Variants in HID1 observed in about 807,000 individuals in gnomAD.
The protein encoded by HID1 is protein HID1.
Under a neutral mutation model 89.7 loss-of-function variants are expected in HID1, and 42 were observed. The observed-to-expected ratio is 0.47, with a 90% CI of 0.37 to 0.61. HID1 has a LOEUF of 0.61. Among genes scored for constraint, HID1 ranks in the 20% least tolerant of loss-of-function variants. The pLI, the probability that HID1 is intolerant of heterozygous loss-of-function variation, is 0.00. For missense variants in HID1, 854 were observed against 1,039.3 expected, an observed-to-expected ratio of 0.82 and a Z score of 2.45; for synonymous variants, 442 against 433.8, an observed-to-expected ratio of 1.02 and a Z score of -0.24.
At chr17:74,955,297 C>T (rs1348328364) in intron 13 of HID1, among the ~76,000 whole-genome samples, 1 of 152,190 alleles carries the variant, frequency 6.6e-6, no homozygotes, top group Non-Finnish European at 1.5e-5. Flanking sequence ...GTTATCCCAG[C>T]AGTTTGGGAG....
rs549233832 is a variant in HID1, at chr17:74,953,280, C to T, written c.1972-194G>A. Among the ~76,000 whole-genome samples, 11 of 152,302 alleles carry T rather than the reference C, an allele frequency of 7.2e-5. No homozygotes were observed. The South Asian group carries it at 2.1e-3, about 29-fold the overall frequency. On this transcript the variant is annotated intron_variant, in intron 15 of 18. Coordinates refer to ENST00000425042, the MANE Select transcript of HID1 (RefSeq NM_030630.3). Reference sequence around the variant, plus strand: ...AAGGCCAGCAGCTGACAGGGCAGGCCGGGTAAAGGCCAGCTCAGATAAGGC... The same window carrying T: ...AAGGCCAGCAGCTGACAGGGCAGGCTGGGTAAAGGCCAGCTCAGATAAGGC...
chr17:74,952,998 C>T lies in HID1; in HGVS notation c.2052+8G>A. 1.3e-6 allele frequency: 2 copies of T among 1,598,880 alleles called. No homozygotes were observed. Among genetic ancestry groups the T allele is most frequent in the South Asian group, 1.1e-5 (1 of 88,582 alleles). On this transcript the variant is annotated splice_region_variant and intron_variant, in intron 16 of 18. Coordinates refer to ENST00000425042, the MANE Select transcript of HID1 (RefSeq NM_030630.3). ...CCCCCGCTCGCCTGGCACAGGGTCCCTCCTCACCCACTCTGGCGTTGGGCT... is the reference window on the plus strand; with the variant it reads ...CCCCCGCTCGCCTGGCACAGGGTCCTTCCTCACCCACTCTGGCGTTGGGCT...
rs748671806 is a variant in HID1, at chr17:74,958,151, G to A, written c.1461C>T (p.Ile487=). 3 of 1,608,662 alleles carry A rather than the reference G, an allele frequency of 1.9e-6. No homozygotes were observed. The highest frequency in any genetic ancestry group is 1.7e-6 in the Non-Finnish European group (2 of 1,177,972). ...LQPLFDCLLT[I]VVNVSPYLKS... ...GCTCCGGGCCCCTACCGTTGACCACGATGGTGAGCAGGCAGTCGAAGAGGG... is the reference window on the plus strand; with the variant it reads ...GCTCCGGGCCCCTACCGTTGACCACAATGGTGAGCAGGCAGTCGAAGAGGG... The change falls in exon 12 of 19, where the codon ATC becomes ATT. Residue 487 remains isoleucine (I), a synonymous_variant. Transcript: ENST00000425042. The surrounding 1 kb of genome is among the most constrained non-coding windows in gnomAD (Gnocchi z 5.2).
Position 74,951,487 on chromosome 17 carries a change from A to T in HID1, c.*83T>A. 7.4e-7 allele frequency: 1 copy of T among 1,351,564 alleles called. No homozygotes were observed. Among genetic ancestry groups the T allele is most frequent in the Non-Finnish European group, 1.0e-6 (1 of 961,414 alleles). 83.7% of individuals were successfully genotyped at this position (1,351,564 alleles called of 1,614,324 possible). A position where few individuals can be genotyped will look rare whatever the true frequency, so the allele number is the denominator to read the frequency against. ...TTCCAGGCCCTGATCGTGGTAATTT[A>T]AAGCTCAGAATGGTGGATGGGGGAA... On this transcript the variant is annotated 3_prime_UTR_variant, in exon 19 of 19. Coordinates refer to ENST00000425042, the MANE Select transcript of HID1 (RefSeq NM_030630.3).
chr17:74,960,628 C>T (rs546503828), intron 6 of HID1, among the ~76,000 whole-genome samples: 1 of 152,208 alleles, frequency 6.6e-6, no homozygotes, highest in East Asian at 1.9e-4. Context: ...AAGCTGAGAC[C>T]CAGAGAGGTT....
Position 74,951,310 on chromosome 17 carries a change from G to A in HID1, c.*260C>T, listed in dbSNP as rs769414620. The A allele has an allele frequency of 4.2e-5, 23 of 551,490 alleles. 1 individual carries two copies. Among genetic ancestry groups the A allele is most frequent in the South Asian group, 3.2e-4 (14 of 43,188 alleles). 34.2% of individuals were successfully genotyped at this position (551,490 alleles called of 1,614,324 possible). A position where few individuals can be genotyped will look rare whatever the true frequency, so the allele number is the denominator to read the frequency against. On this transcript the variant is annotated 3_prime_UTR_variant, in exon 19 of 19. Transcript: ENST00000425042. ...GAGCCAGGTCTTAAAGAGGGAGTCC[G>A]AGTGTTGGGGGCAGTGGTCTCTGGT...
chr17:74,966,080 T>C (rs1039971647), intron 1 of HID1, among the ~76,000 whole-genome samples: 16 of 148,210 alleles, frequency 1.1e-4, no homozygotes, highest in Non-Finnish European at 2.4e-4. Context: ...AGGTCAGGAG[T>C]TCAAGACCAG....
intron 12 of HID1, among the ~76,000 whole-genome samples, chr17:74,957,293 G>A (rs1311744689): frequency 6.7e-6 from 1 of 150,042 alleles, no homozygotes; most frequent in Non-Finnish European, 1.5e-5. Flanking sequence ...GGCCAACATG[G>A]CAAAACTCTG....
In HID1 at chr17:74,956,080, G is replaced by C. The variant is rs184984896; in HGVS notation, c.1472-124C>G. On this transcript the variant is annotated intron_variant, in intron 12 of 18. Transcript: ENST00000425042. ...TCCCTGCCCCCTGCAGAGCCAGGAC[G>C]ACCAAGGCCCTAAGAGGCTGAGTCC... 3 of 985,978 alleles carry C rather than the reference G, an allele frequency of 3.0e-6. No homozygotes were observed. The East Asian group carries it at 7.5e-5, about 25-fold the overall frequency. 61.1% of individuals were successfully genotyped at this position (985,978 alleles called of 1,614,324 possible). A position where few individuals can be genotyped will look rare whatever the true frequency, so the allele number is the denominator to read the frequency against.
At position 74,953,635 on chromosome 17, in the gene HID1, G is replaced by T. The variant is rs549390726; in HGVS notation, c.1881C>A (p.Thr627=). 6.2e-7 allele frequency: 1 copy of T among 1,613,944 alleles called. No homozygotes were observed. Among genetic ancestry groups the T allele is most frequent in the Admixed American group, 1.7e-5 (1 of 59,996 alleles). ...LVATPGIDKL[T]EKSQVSEDGT... is the part of the protein sequence containing the mutation. ...CATCCTCTGACACCTGGGACTTCTC[G>T]GTCAGCTTGTCAATGCCTGGGCAGG... Residue 627 remains threonine, a synonymous_variant, in exon 15 of 19, where the codon ACC becomes ACA. Transcript: ENST00000425042.
intron 13 of HID1, chr17:74,954,593 C>T: frequency 1.4e-6 from 1 of 709,550 alleles, no homozygotes; most frequent in African/African-American, 1.8e-5. Context: ...CTCACAACAC[C>T]CCCGCCCCAG....
chr17:74,959,343 C>G lies in HID1; in HGVS notation c.1009-292G>C, dbSNP rs2039444571. On this transcript the variant is annotated intron_variant, in intron 8 of 18. Coordinates refer to ENST00000425042, the MANE Select transcript of HID1 (RefSeq NM_030630.3). The surrounding 1 kb of genome is among the most constrained non-coding windows in gnomAD (Gnocchi z 4.6). ...TGCTCTCAGTGAACTCCCACACATG[C>G]ACACCCTCAACCTTGTCCCTGCCCA... 1.3e-5 allele frequency among the ~76,000 whole-genome samples: 2 copies of G among 152,152 alleles called. No individual in the cohort carries two copies. The highest frequency in any genetic ancestry group is 4.1e-4 in the South Asian group (2 of 4,830).
Position 74,959,062 on chromosome 17 carries a change from G to T in HID1, c.1009-11C>A. 1 of 1,545,242 alleles carries T rather than the reference G, an allele frequency of 6.5e-7. No individual in the cohort carries two copies. Among genetic ancestry groups the T allele is most frequent in the Non-Finnish European group, 8.7e-7 (1 of 1,152,696 alleles). ...GATGAACTGGAAGTCCTGGGGGCGA[G>T]GGCAGAGCAGGGGGCCTGTCCAGCC... On this transcript the variant is annotated splice_polypyrimidine_tract_variant and intron_variant, in intron 8 of 18. Coordinates refer to ENST00000425042, the MANE Select transcript of HID1 (RefSeq NM_030630.3). This position sits in a 1 kb window ranked among gnomAD's most constrained non-coding sequence, Gnocchi z 4.6.
intron 6 of HID1, among the ~76,000 whole-genome samples, chr17:74,961,043 T>A (rs533661098): frequency 8.3e-4 from 124 of 149,230 alleles, no homozygotes; most frequent in African/African-American, 2.8e-3. Context: ...CCCGACCCGG[T>A]CTCTAAGCTG....
Position 74,958,826 on chromosome 17 carries a change from C to A in HID1, c.1150-63G>T. 2.5e-6 allele frequency: 4 copies of A among 1,593,084 alleles called. No homozygotes were observed. The highest frequency in any genetic ancestry group is 3.4e-6 in the Non-Finnish European group (4 of 1,167,082). ...AGGGAGGGGCAGCTCTGCCCCACCC[C>A]CCTCAGTCTGACACTGTCCCTGCCC... On this transcript the variant is annotated intron_variant, in intron 9 of 18. Transcript: ENST00000425042. This position sits in a 1 kb window ranked among gnomAD's most constrained non-coding sequence, Gnocchi z 5.2.
Position 74,952,364 on chromosome 17 carries a change from G to A in HID1, c.2053-4C>T. ...GCTTCGACTTCCAGGAGAGGACCTGGCGAGGGACGGGGTTCCTGGGGCTGA... is the reference window on the plus strand; with the variant it reads ...GCTTCGACTTCCAGGAGAGGACCTGACGAGGGACGGGGTTCCTGGGGCTGA... On this transcript the variant is annotated splice_polypyrimidine_tract_variant and splice_region_variant and intron_variant, in intron 16 of 18. Coordinates refer to ENST00000425042, the MANE Select transcript of HID1 (RefSeq NM_030630.3). The A allele has an allele frequency of 6.2e-7, 1 of 1,612,834 alleles. No individual in the cohort carries two copies. The highest frequency in any genetic ancestry group is 8.5e-7 in the Non-Finnish European group (1 of 1,179,182).
Position 74,959,828 on chromosome 17 carries a change from T to A in HID1, c.1008+53A>T. ...GGGGTCAGGATCCCCCATATCCCTG[T>A]CTCACTTGCATCCCCCTGCACCCTG... On this transcript the variant is annotated intron_variant, in intron 8 of 18. Transcript: ENST00000425042. This position sits in a 1 kb window ranked among gnomAD's most constrained non-coding sequence, Gnocchi z 4.6. 6.3e-7 allele frequency: 1 copy of A among 1,579,676 alleles called. No individual in the cohort carries two copies. Among genetic ancestry groups the A allele is most frequent in the East Asian group, 2.2e-5 (1 of 44,668 alleles).
chr17:74,956,033 A>G, intron 12 of HID1, 77 bp from the exon 13 acceptor site: 1 of 1,444,390 alleles, frequency 6.9e-7, no homozygotes, highest in Non-Finnish European at 9.6e-7. Flanking sequence ...GGGTGGAACA[A>G]CAGGCTCCTG....
chr17:74,963,074 T>C lies in HID1; in HGVS notation c.395A>G (p.Glu132Gly). Reference protein sequence around the residue: ...VPGAGRGGQGEEDDEHARPLA... With the variant: ...VPGAGRGGQGGEDDEHARPLA... ...GGGCCTGGCATGCTCATCATCCTCT[T>C]CTCCCTGCTGGGGACACAGCACCCA... Residue 132 changes from glutamate to glycine, a missense_variant, in exon 4 of 19, where the codon GAA becomes GGA. Physicochemically the swap from Glu to Gly is moderately conservative, Grantham distance 98. Coordinates refer to ENST00000425042, the MANE Select transcript of HID1 (RefSeq NM_030630.3). 6.2e-7 allele frequency: 1 copy of C among 1,605,546 alleles called. No individual in the cohort carries two copies. The highest frequency in any genetic ancestry group is 1.7e-5 in the Admixed American group (1 of 58,882).
Sources: allele counts gnomAD v4.1 joint callset (sites outside exome capture counted in the v4.1 genomes callset), GRCh38; gene constraint gnomAD v4.1.1; non-coding constraint Gnocchi (gnomAD v3.1); transcripts MANE v1.5; gene names NCBI Gene and HGNC (gene_info 2026-07-23, HGNC 2026-07-21).